The following MAL2 variants were observed in gnomAD, a reference collection of about 807,000 sequenced individuals.
The protein encoded by MAL2 is protein MAL2.
A neutral mutation model predicts 18.1 loss-of-function variants in MAL2; 17 were observed. That is an observed-to-expected ratio of 0.94 (90% confidence interval 0.64 to 1.41). MAL2 has a LOEUF of 1.41. Among genes scored for constraint, MAL2 ranks in the 40% most tolerant of loss-of-function variants. The pLI is 0.00. For synonymous variants in MAL2, 102 were observed against 102.3 expected (o/e 1.00, Z 0.02); for missense variants, 222 against 231.9 (o/e 0.96, Z 0.28).
intron 2 of MAL2, among the ~76,000 whole-genome samples, chr8:119,230,130 CA>C (rs1024330782): frequency 6.6e-6 from 1 of 152,180 alleles, no homozygotes; most frequent in Non-Finnish European, 1.5e-5. Flanking sequence ...AGCTACTTTT[CA>C]AACACTTGTC....
Position 119,221,694 on chromosome 8 carries a change from C to T in MAL2, c.240C>T (p.Leu80=), listed in dbSNP as rs780369886. ...CCGTGACAGCGTTTTTCTTTTCGCT[C>T]CTCTTTCTGGGCATGTTCCTCTCTG... ...FVSVTAFFFS[L]LFLGMFLSGM... is the part of the protein sequence containing the mutation. Residue 80 remains leucine, a synonymous_variant, in exon 2 of 4, where the codon CTC becomes CTT. Coordinates refer to ENST00000614891, the MANE Select transcript of MAL2 (RefSeq NM_052886.3). 29 of 1,613,762 alleles carry T rather than the reference C, an allele frequency of 1.8e-5. No individual in the cohort carries two copies. The highest frequency in any genetic ancestry group is 2.0e-5 in the Non-Finnish European group (24 of 1,179,854).
rs370989802 is a variant in MAL2, at chr8:119,240,358, C to A, written c.459+38C>A. The A allele has an allele frequency of 6.3e-6, 10 of 1,599,800 alleles. No individual in the cohort carries two copies. The African/African-American group carries it at 9.4e-5, about 15-fold the overall frequency. The stretch of plus-strand genomic sequence containing the variant: ...ATTCAATGAGTACCATTCACCAGCA[C>A]TTCCGCTCCACTGTCAAGGCCTCCA... On this transcript the variant is annotated intron_variant, in intron 3 of 3. Transcript: ENST00000614891.
Position 119,229,438 on chromosome 8 carries a change from G to A in MAL2, c.303+7681G>A, listed in dbSNP as rs138752692. On this transcript the variant is annotated intron_variant, in intron 2 of 3. Coordinates refer to ENST00000614891, the MANE Select transcript of MAL2 (RefSeq NM_052886.3). ...AGCGATTCTTCTGCCTTAGCCTTCC[G>A]AGTAACTGGGATTACAGGCATGCAC... Among the ~76,000 whole-genome samples, 431 of 151,322 alleles carry A rather than the reference G, an allele frequency of 2.8e-3. 1 individual carries two copies. Among genetic ancestry groups the A allele is most frequent in the African/African-American group, 9.8e-3 (406 of 41,300 alleles).
intron 1 of MAL2, among the ~76,000 whole-genome samples, chr8:119,213,816 C>T (rs1290750926): frequency 2.6e-5 from 4 of 152,038 alleles, no homozygotes; most frequent in African/African-American, 9.7e-5. Context: ...GAAACTACAT[C>T]CCCAAAATAA....
intron 2 of MAL2, among the ~76,000 whole-genome samples, chr8:119,238,605 C>A (rs1817966827): frequency 6.7e-6 from 1 of 148,386 alleles, no homozygotes; most frequent in Non-Finnish European, 1.5e-5. Context: ...AGAACAGAGC[C>A]CTCAGAAATA....
intron 2 of MAL2, among the ~76,000 whole-genome samples, chr8:119,230,020 T>TTGAG (rs1817683542): frequency 1.3e-5 from 2 of 152,128 alleles, no homozygotes; most frequent in Admixed American, 1.3e-4. Context: ...ACCTGATTTT[T>TTGAG]TGAGTTAGTG....
At chr8:119,233,123 A>G (rs1242696307) in intron 2 of MAL2, among the ~76,000 whole-genome samples, 6 of 152,214 alleles carry the variant, frequency 3.9e-5, no homozygotes, top group African/African-American at 1.2e-4. Context: ...TTTGAAACCA[A>G]TGAGAACAAA....
chr8:119,223,017 T>C (rs1381516496), intron 2 of MAL2, among the ~76,000 whole-genome samples: 1 of 152,164 alleles, frequency 6.6e-6, no homozygotes, highest in African/African-American at 2.4e-5. Flanking sequence ...GAACCCCCAT[T>C]AGGTTATGAT....
intron 2 of MAL2, among the ~76,000 whole-genome samples, chr8:119,231,899 T>C (rs547021182): frequency 6.6e-6 from 1 of 151,748 alleles, no homozygotes; most frequent in Admixed American, 6.5e-5. Context: ...AGAATGGTGA[T>C]TACCAGGGTA....
At chr8:119,212,285 TTG>T (rs1817279438) in intron 1 of MAL2, among the ~76,000 whole-genome samples, 1 of 152,204 alleles carries the variant, frequency 6.6e-6, no homozygotes, top group Non-Finnish European at 1.5e-5. Flanking sequence ...ATTGAATTCA[TTG>T]TGTTTTATTT....
At chr8:119,224,547 T>G (rs1323186551) in intron 2 of MAL2, among the ~76,000 whole-genome samples, 1 of 152,216 alleles carries the variant, frequency 6.6e-6, no homozygotes, top group Non-Finnish European at 1.5e-5. Context: ...TTTTAAGATT[T>G]TTTTTATTTC....
chr8:119,225,417 T>C (rs1169262688), intron 2 of MAL2, among the ~76,000 whole-genome samples: 2 of 152,328 alleles, frequency 1.3e-5, no homozygotes, highest in Middle Eastern at 3.4e-3. Flanking sequence ...GAATGATGGT[T>C]TCCAGCTTCA....
In MAL2 at chr8:119,230,693, GTAAGT is replaced by G. The variant is rs375890780; in HGVS notation, c.303+8940_303+8944del. On this transcript the variant is annotated intron_variant, in intron 2 of 3. Coordinates refer to ENST00000614891, the MANE Select transcript of MAL2 (RefSeq NM_052886.3). ...AAACTATTTCTGATGATTCACCTCA[GTAAGT>G]TAAATGAGTGCCTAATGATCTCAGA... 2.8e-3 allele frequency among the ~76,000 whole-genome samples: 431 copies of G among 152,270 alleles called. 1 individual carries two copies. Among genetic ancestry groups the G allele is most frequent in the African/African-American group, 9.8e-3 (406 of 41,566 alleles).
intron 1 of MAL2, among the ~76,000 whole-genome samples, chr8:119,217,386 A>T (rs1817374440): frequency 6.6e-6 from 1 of 152,234 alleles, no homozygotes; most frequent in Admixed American, 6.5e-5. Flanking sequence ...GGTTAAGAAG[A>T]TAAAAGGTGA....
chr8:119,231,022 GT>G (rs962981879), intron 2 of MAL2, among the ~76,000 whole-genome samples: 6 of 151,220 alleles, frequency 4.0e-5, no homozygotes, highest in East Asian at 1.9e-4. Context: ...TGTGAGAACA[GT>G]TTTTTTTTTT....
chr8:119,237,949 C>T lies in MAL2; in HGVS notation c.304-2216C>T, dbSNP rs530817700. On this transcript the variant is annotated intron_variant, in intron 2 of 3. Coordinates refer to ENST00000614891, the MANE Select transcript of MAL2 (RefSeq NM_052886.3). The stretch of plus-strand genomic sequence containing the variant: ...GGAAGTTCTGGCCAGGGCCATCAGG[C>T]AGAAGGAAATAAAAGGTATTCAGTT... Among the ~76,000 whole-genome samples, 6 of 151,542 alleles carry T rather than the reference C, an allele frequency of 4.0e-5. 1 individual carries two copies. The South Asian group carries it at 1.2e-3, about 32-fold the overall frequency.
chr8:119,243,723 T>C lies in MAL2; in HGVS notation c.*235T>C, dbSNP rs1030351292. ...TCTCCCCTTTTTCCCTTTCCCCCTT[T>C]ATTTTCCTCCTTTTCTTTCTGAAAG... On this transcript the variant is annotated 3_prime_UTR_variant, in exon 4 of 4. Transcript: ENST00000614891. 1 of 361,220 alleles carries C rather than the reference T, an allele frequency of 2.8e-6. No individual in the cohort carries two copies. The highest frequency in any genetic ancestry group is 2.1e-5 in the African/African-American group (1 of 47,830). The allele number at this position is 361,220 out of a possible 1,614,324, so 22.4% of individuals were successfully genotyped here.
At chr8:119,209,593 C>T (rs1432903241) in intron 1 of MAL2, among the ~76,000 whole-genome samples, 4 of 152,144 alleles carry the variant, frequency 2.6e-5, no homozygotes, top group Non-Finnish European at 4.4e-5. Flanking sequence ...GTATTGTTTG[C>T]TCGGTTTAGG....
Position 119,240,276 on chromosome 8 carries a change from C to G in MAL2, c.415C>G (p.Pro139Ala), listed in dbSNP as rs748107209. ...LHCNTTITGQ[P>A]LLSDNQYNIN... ...TTGCAATACAACCATAACCGGGCAG[C>G]CACTCCTGAGTGATAACCAGTATAA... Residue 139 changes from proline to alanine, a missense_variant, in exon 3 of 4, where the codon CCA (proline) becomes GCA (alanine). Physicochemically the swap from Pro to Ala is conservative, Grantham distance 27. Coordinates refer to ENST00000614891, the MANE Select transcript of MAL2 (RefSeq NM_052886.3). 2 of 1,613,744 alleles carry G rather than the reference C, an allele frequency of 1.2e-6. No individual in the cohort carries two copies. Among genetic ancestry groups the G allele is most frequent in the Non-Finnish European group, 8.5e-7 (1 of 1,179,798 alleles).
Sources: allele counts gnomAD v4.1 joint callset (sites outside exome capture counted in the v4.1 genomes callset), GRCh38; gene constraint gnomAD v4.1.1; transcripts MANE v1.5; gene names NCBI Gene and HGNC (gene_info 2026-07-23, HGNC 2026-07-21).